Variants in CHRM3 observed in about 807,000 individuals in gnomAD.
The protein encoded by CHRM3 is cholinergic receptor muscarinic 3, also known as muscarinic acetylcholine receptor M3.
In CHRM3, 11 loss-of-function variants were observed where a neutral mutation model predicts 41.8. That is an observed-to-expected ratio of 0.26 (90% CI 0.17 to 0.44). The LOEUF is 0.44. Ranked by LOEUF, CHRM3 falls within the 20% of genes least tolerant of loss-of-function variation. The pLI, the probability that CHRM3 is intolerant of heterozygous loss-of-function variation, is 1.00. For synonymous variants in CHRM3, 297 were observed against 301.4 expected, an observed-to-expected ratio of 0.99 and a Z score of 0.15; for missense variants, 571 against 745.4, an observed-to-expected ratio of 0.77 and a Z score of 2.72.
intron 5 of CHRM3, among the ~76,000 whole-genome samples, chr1:239,695,910 T>C (rs1303321611): frequency 6.6e-6 from 1 of 152,202 alleles, no homozygotes; most frequent in African/African-American, 2.4e-5. Flanking sequence ...TCAAAAGTAT[T>C]TATCTTGATT....
rs368923621 is a variant in CHRM3 at position 239,525,354 on chromosome 1, C to T, written c.-421-20287C>T. On this transcript the variant is annotated intron_variant, in intron 2 of 6. Transcript: ENST00000676153. ...ATGCTGTCCCCAAAAAAGAAAAAAT[C>T]CACGTGATATTTACTTCCCTAGCAC... Among the ~76,000 whole-genome samples, 7 of 149,864 alleles carry T rather than the reference C, an allele frequency of 4.7e-5. No homozygotes were observed. In the East Asian group the frequency reaches 1.2e-3, roughly 25 times the overall value.
At position 239,740,339 on chromosome 1, in the gene CHRM3, TC is replaced by T. The variant is rs200326441; in HGVS notation, c.-147+62052del. Among the ~76,000 whole-genome samples, 1,491 of 151,838 alleles carry T rather than the reference TC, an allele frequency of 9.8e-3. 22 individuals are homozygous for T. The highest frequency in any genetic ancestry group is 0.034 in the African/African-American group (1,416 of 41,148). Reference sequence around the variant, plus strand: ...CATAAAATTTGGAAGAAAAATTGTTTCTTTTTTTTTTCTCACTATTGTTTAC... The same window carrying T: ...CATAAAATTTGGAAGAAAAATTGTTTTTTTTTTTTTCTCACTATTGTTTAC... On this transcript the variant is annotated intron_variant, in intron 5 of 6. Transcript: ENST00000676153.
intron 4 of CHRM3, among the ~76,000 whole-genome samples, chr1:239,669,360 CA>C (rs2149050002): frequency 6.6e-6 from 1 of 152,206 alleles, no homozygotes; most frequent in South Asian, 2.1e-4. Flanking sequence ...ACCCAGTTAA[CA>C]AAGTGGCATT....
chr1:239,506,321 G>A (rs115560690), intron 2 of CHRM3, among the ~76,000 whole-genome samples: 1,872 of 152,118 alleles, frequency 0.012, 36 homozygotes, highest in African/African-American at 0.043. Context: ...TCATGGGCCG[G>A]GCCTGCTCTG....
intron 4 of CHRM3, among the ~76,000 whole-genome samples, chr1:239,640,433 C>A (rs890694824): frequency 6.6e-6 from 1 of 152,150 alleles, no homozygotes; most frequent in Non-Finnish European, 1.5e-5. Flanking sequence ...ATTATTGCCA[C>A]AATTTCAGAT....
chr1:239,908,860 A>G lies in CHRM3; in HGVS notation c.1409A>G (p.Lys470Arg). Reference sequence around the variant, plus strand: ...ACTCTGGCCAAGAGGTTTGCTCTGAAGACCAGAAGTCAGATCACTAAGCGG... The same window carrying G: ...ACTCTGGCCAAGAGGTTTGCTCTGAGGACCAGAAGTCAGATCACTAAGCGG... ...EATLAKRFAL[K>R]TRSQITKRKR... The change falls in exon 7 of 7, where the codon AAG (lysine) becomes AGG (arginine). Residue 470 changes from lysine to arginine, a missense_variant. By Grantham distance (26) the Lys-to-Arg change is conservative. Coordinates refer to ENST00000676153, the MANE Select transcript of CHRM3 (RefSeq NM_001375978.1). This position sits in a 1 kb window ranked among gnomAD's most constrained non-coding sequence, Gnocchi z 7.2. 1.2e-6 allele frequency: 2 copies of G among 1,614,126 alleles called. No individual in the cohort carries two copies. The highest frequency in any genetic ancestry group is 1.7e-6 in the Non-Finnish European group (2 of 1,180,028).
chr1:239,683,150 G>A (rs558200636), intron 5 of CHRM3, among the ~76,000 whole-genome samples: 9 of 152,190 alleles, frequency 5.9e-5, no homozygotes, highest in Middle Eastern at 3.4e-3. Context: ...GATTATTTTG[G>A]AACAAAAGAT....
intron 4 of CHRM3, among the ~76,000 whole-genome samples, chr1:239,651,248 T>G (rs1672215405): frequency 6.6e-6 from 1 of 152,184 alleles, no homozygotes; most frequent in Admixed American, 6.5e-5. Context: ...TTAGAGAATA[T>G]CTTATATGAG....
chr1:239,851,255 A>T (rs1225295801), intron 6 of CHRM3, among the ~76,000 whole-genome samples: 2 of 152,180 alleles, frequency 1.3e-5, no homozygotes, highest in Non-Finnish European at 2.9e-5. Context: ...GGTGTTTTTT[A>T]AATTCTTCTT....
chr1:239,570,069 C>T (rs888594250), intron 3 of CHRM3, among the ~76,000 whole-genome samples: 1 of 151,984 alleles, frequency 6.6e-6, no homozygotes, highest in Admixed American at 6.5e-5. Flanking sequence ...GCTCTTTGTC[C>T]CCACCCAAAT....
rs183206247 is a variant in CHRM3, at chr1:239,454,931, T to A, written c.-520-37778T>A. Among the ~76,000 whole-genome samples, 170 of 152,250 alleles carry A rather than the reference T, an allele frequency of 1.1e-3. 1 individual carries two copies. The highest frequency in any genetic ancestry group is 3.9e-3 in the African/African-American group (163 of 41,542). ...TAAACGAACCTACTATGCTACCAGT[T>A]GTATAGAAGTATAGCACATAGAATT... is the stretch of plus-strand genomic sequence containing the variant. On this transcript the variant is annotated intron_variant, in intron 1 of 6. Transcript: ENST00000676153.
rs532291034 is a variant in CHRM3 at position 239,465,362 on chromosome 1, C to A, written c.-520-27347C>A. Among the ~76,000 whole-genome samples the A allele has an allele frequency of 3.3e-5, 5 of 152,156 alleles. No individual in the cohort carries two copies. The East Asian group carries it at 9.7e-4, about 29-fold the overall frequency. On this transcript the variant is annotated intron_variant, in intron 1 of 6. Transcript: ENST00000676153. ...TCTGTTAAGTTAATCTTTTTGGCTA[C>A]AACATAGGATATGTGTAAAGAAAAA...
intron 5 of CHRM3, among the ~76,000 whole-genome samples, chr1:239,735,765 C>T (rs1004825495): frequency 3.3e-5 from 5 of 151,976 alleles, no homozygotes; most frequent in Admixed American, 2.6e-4. Context: ...TTCCCTGCTC[C>T]GAAAAATGCT....
At chr1:239,603,404 G>A (rs1345754288) in intron 3 of CHRM3, among the ~76,000 whole-genome samples, 1 of 152,128 alleles carries the variant, frequency 6.6e-6, no homozygotes, top group Non-Finnish European at 1.5e-5. Context: ...ACCATTCAGT[G>A]ATAGGCAAGG....
intron 3 of CHRM3, among the ~76,000 whole-genome samples, chr1:239,600,314 G>A (rs111756068): frequency 5.2e-4 from 79 of 152,042 alleles, no homozygotes; most frequent in African/African-American, 1.9e-3. Context: ...CCTGTATGGT[G>A]CCCTGGGAGG....
chr1:239,500,047 G>A (rs1470613129), intron 2 of CHRM3, among the ~76,000 whole-genome samples: 1 of 152,052 alleles, frequency 6.6e-6, no homozygotes, highest in African/African-American at 2.4e-5. Context: ...AGCATAAATG[G>A]CTGTGGGTTT....
Position 239,859,150 on chromosome 1 carries a change from C to T in CHRM3, c.-20+31772C>T, listed in dbSNP as rs557233914. 3.9e-5 allele frequency among the ~76,000 whole-genome samples: 6 copies of T among 152,270 alleles called. No individual in the cohort carries two copies. The South Asian group carries it at 1.2e-3, about 32-fold the overall frequency. ...GGTCATGTGGTAATTCTACGTTTAA[C>T]CATTAAAATAATTTATGGACTGTTT... is the stretch of plus-strand genomic sequence containing the variant. On this transcript the variant is annotated intron_variant, in intron 6 of 6. Coordinates refer to ENST00000676153, the MANE Select transcript of CHRM3 (RefSeq NM_001375978.1).
At chr1:239,580,069 G>A (rs1270816584) in intron 3 of CHRM3, among the ~76,000 whole-genome samples, 1 of 152,046 alleles carries the variant, frequency 6.6e-6, no homozygotes, top group African/African-American at 2.4e-5. Context: ...TACATCTTCT[G>A]TCCAGATCTT....
chr1:239,790,742 C>T (rs1250684593), intron 5 of CHRM3, among the ~76,000 whole-genome samples: 2 of 152,152 alleles, frequency 1.3e-5, no homozygotes, highest in Non-Finnish European at 2.9e-5. Context: ...GAAAAGCTCC[C>T]TGACCTCTTT....
Sources: gnomAD v4.1 joint callset for allele counts (sites outside exome capture counted in the v4.1 genomes callset) on GRCh38, gnomAD v4.1.1 for gene constraint, Gnocchi (gnomAD v3.1) non-coding constraint, MANE v1.5 for transcripts, NCBI Gene and HGNC (gene_info 2026-07-23, HGNC 2026-07-21) for gene names.